The following PPM1G variants were observed in gnomAD, a reference collection of about 807,000 sequenced individuals.
The protein encoded by PPM1G is protein phosphatase 1G.
A neutral mutation model predicts 59.4 loss-of-function variants in PPM1G; 12 were observed. That is an observed-to-expected ratio of 0.20 (90% CI 0.13 to 0.33). The LOEUF (loss-of-function observed/expected upper bound fraction) is 0.33. Among genes scored for constraint, PPM1G ranks in the 10% least tolerant of loss-of-function variants. The pLI is 1.00. For synonymous variants in PPM1G, 245 were observed against 251.9 expected, an observed-to-expected ratio of 0.97 and a Z score of 0.26; for missense variants, 392 against 681.3, an observed-to-expected ratio of 0.58 and a Z score of 4.73.
chr2:27,391,089 T>C (rs751845286), intron 1 of PPM1G, among the ~76,000 whole-genome samples: 2 of 152,332 alleles, frequency 1.3e-5, no homozygotes, highest in East Asian at 1.9e-4. Flanking sequence ...CCGCCACTGA[T>C]GGGCACATGA....
chr2:27,409,363 G>T lies in PPM1G; in HGVS notation c.60C>A (p.Ala20=). The T allele has an allele frequency of 6.5e-7, 1 of 1,541,812 alleles. No homozygotes were observed. The highest frequency in any genetic ancestry group is 2.5e-5 in the East Asian group (1 of 39,632). Residue 20 remains alanine (A), a synonymous_variant, in exon 1 of 10, where the codon GCC becomes GCA. Coordinates refer to ENST00000344034, the MANE Select transcript of PPM1G (RefSeq NM_177983.3). ...TVKCSGDGVG[A]PRLPLPYGFS... ...AGCCGTAGGGCAGCGGCAGGCGCGG[G>T]GCGCCGACCCCGTCCCCGGAGCACT...
At chr2:27,407,623 G>C (rs1384955132) in intron 1 of PPM1G, among the ~76,000 whole-genome samples, 1 of 152,154 alleles carries the variant, frequency 6.6e-6, no homozygotes, top group Non-Finnish European at 1.5e-5. Flanking sequence ...GTATGGTGGT[G>C]AAATATGAAT....
At chr2:27,401,004 C>T (rs150048337) in intron 1 of PPM1G, among the ~76,000 whole-genome samples, 1 of 152,252 alleles carries the variant, frequency 6.6e-6, no homozygotes, top group East Asian at 1.9e-4. Context: ...GATCAAGTCC[C>T]TCTGGGCCAG....
intron 1 of PPM1G, among the ~76,000 whole-genome samples, chr2:27,391,030 C>G (rs114952722): frequency 1.7e-3 from 254 of 152,330 alleles, no homozygotes; most frequent in African/African-American, 5.8e-3. Flanking sequence ...TTAATGGGTG[C>G]ATAGTATTCC....
intron 1 of PPM1G, among the ~76,000 whole-genome samples, chr2:27,395,383 T>C (rs567271146): frequency 2.9e-4 from 43 of 150,492 alleles, no homozygotes; most frequent in Admixed American, 2.6e-3. Flanking sequence ...AATACAAAAA[T>C]AACTGGGTGT....
At chr2:27,386,646 C>G in intron 2 of PPM1G, 1 of 180,126 alleles carries the variant, frequency 5.6e-6, no homozygotes, top group Non-Finnish European at 1.2e-5. Flanking sequence ...CCTCCACCTC[C>G]CAGGTTCAAG....
Position 27,381,545 on chromosome 2 carries a change from T to C in PPM1G, c.*54A>G. The C allele has an allele frequency of 1.2e-6, 2 of 1,601,808 alleles. No individual in the cohort carries two copies. The highest frequency in any genetic ancestry group is 1.7e-6 in the Non-Finnish European group (2 of 1,169,246). ...TAAAGGAAAAAGACAAAACTCAGTC[T>C]CAGGTCCGGAGGGCTCAGAAAACAG... On this transcript the variant is annotated 3_prime_UTR_variant, in exon 10 of 10. Coordinates refer to ENST00000344034, the MANE Select transcript of PPM1G (RefSeq NM_177983.3).
Position 27,389,053 on chromosome 2 carries a change from C to G in PPM1G, c.121-1895G>C, listed in dbSNP as rs145057843. Among the ~76,000 whole-genome samples the G allele has an allele frequency of 3.4e-3, 511 of 152,230 alleles. 2 individuals carry two copies. Among genetic ancestry groups the G allele is most frequent in the African/African-American group, 0.012 (488 of 41,522 alleles). ...TAAGGACAACAAACACACCTAAGAACTGGCCTCAAGTTGCCATTCTACCAT... is the reference window on the plus strand; with the variant it reads ...TAAGGACAACAAACACACCTAAGAAGTGGCCTCAAGTTGCCATTCTACCAT... On this transcript the variant is annotated intron_variant, in intron 1 of 9. Transcript: ENST00000344034.
At chr2:27,401,261 G>A (rs766454437) in intron 1 of PPM1G, among the ~76,000 whole-genome samples, 2 of 152,134 alleles carry the variant, frequency 1.3e-5, no homozygotes, top group African/African-American at 4.8e-5. Flanking sequence ...TACTTGGGGT[G>A]GAGAGTAATT....
chr2:27,384,261 A>C lies in PPM1G; in HGVS notation c.826-169T>G, dbSNP rs1300412382. Among the ~76,000 whole-genome samples the C allele has an allele frequency of 6.6e-6, 1 of 152,238 alleles. No homozygotes were observed. Among genetic ancestry groups the C allele is most frequent in the Non-Finnish European group, 1.5e-5 (1 of 68,044 alleles). On this transcript the variant is annotated intron_variant, in intron 5 of 9. Transcript: ENST00000344034. This position sits in a 1 kb window ranked among gnomAD's most constrained non-coding sequence, Gnocchi z 4.8. ...GGATGGAAAGGGCTAGCATGAGTAC[A>C]ACTGACATCCTGAACTGGGCTTAGC... is the stretch of plus-strand genomic sequence containing the variant.
chr2:27,409,495 G>T lies in PPM1G; in HGVS notation c.-73C>A. The T allele has an allele frequency of 1.6e-5, 22 of 1,378,940 alleles. No individual in the cohort carries two copies. The highest frequency in any genetic ancestry group is 2.0e-5 in the Non-Finnish European group (21 of 1,070,554). 85.4% of individuals were successfully genotyped at this position (1,378,940 alleles called of 1,614,324 possible). The stretch of plus-strand genomic sequence containing the variant: ...CCGTGCCGGAGCCGAAGCCCCGGGG[G>T]TGCGCGCGGCAGGAGCAGGCCCCGC... On this transcript the variant is annotated 5_prime_UTR_variant, in exon 1 of 10. Coordinates refer to ENST00000344034, the MANE Select transcript of PPM1G (RefSeq NM_177983.3).
In PPM1G at chr2:27,391,552, T is replaced by C. The variant is rs116170129; in HGVS notation, c.121-4394A>G. Reference sequence around the variant, plus strand: ...TGCTTTTTGCTTGTTAGGTTCCTTATAGATTTTGGATATTAGACTTTTGTT... The same window carrying C: ...TGCTTTTTGCTTGTTAGGTTCCTTACAGATTTTGGATATTAGACTTTTGTT... On this transcript the variant is annotated intron_variant, in intron 1 of 9. Transcript: ENST00000344034. Among the ~76,000 whole-genome samples, 302 of 152,298 alleles carry C rather than the reference T, an allele frequency of 2.0e-3. 2 individuals carry two copies. The highest frequency in any genetic ancestry group is 3.4e-3 in the Non-Finnish European group (230 of 68,014).
chr2:27,387,259 C>T (rs1336209638), intron 1 of PPM1G, 101 bp from the exon 2 acceptor site: 4 of 839,258 alleles, frequency 4.8e-6, no homozygotes, highest in Non-Finnish European at 7.8e-6. Flanking sequence ...CCTGGCTGGC[C>T]TATATGGCCT....
intron 1 of PPM1G, among the ~76,000 whole-genome samples, chr2:27,395,000 C>A (rs1684010838): frequency 6.6e-6 from 1 of 151,860 alleles, no homozygotes; most frequent in Non-Finnish European, 1.5e-5. Context: ...GAGGCCAAGG[C>A]GGGTGGATCA....
At chr2:27,392,006 C>G (rs182252157) in intron 1 of PPM1G, among the ~76,000 whole-genome samples, 1 of 151,514 alleles carries the variant, frequency 6.6e-6, no homozygotes, top group Non-Finnish European at 1.5e-5. Context: ...GCTGGGATTA[C>G]GGGTGTGAGC....
chr2:27,400,637 A>G (rs990723832), intron 1 of PPM1G, among the ~76,000 whole-genome samples: 2 of 152,132 alleles, frequency 1.3e-5, no homozygotes, highest in African/African-American at 2.4e-5. Context: ...CCTCCTGGAG[A>G]TAAGAAAAAG....
In PPM1G at chr2:27,385,525, A is replaced by C; in HGVS notation, c.409+222T>G. On this transcript the variant is annotated intron_variant, in intron 4 of 9. Transcript: ENST00000344034. This position sits in a 1 kb window ranked among gnomAD's most constrained non-coding sequence, Gnocchi z 4.1. ...GAAGACCCCATCACAATGACAAAAG[A>C]TAATGTATATACAATGCTTACAGCT... 1 of 547,634 alleles carries C rather than the reference A, an allele frequency of 1.8e-6. No homozygotes were observed. Among genetic ancestry groups the C allele is most frequent in the Non-Finnish European group, 3.1e-6 (1 of 327,244 alleles). 33.9% of individuals were successfully genotyped at this position (547,634 alleles called of 1,614,324 possible).
intron 2 of PPM1G, 163 bp downstream of exon 2, chr2:27,386,926 T>G: frequency 1.6e-6 from 1 of 608,102 alleles, no homozygotes; most frequent in Admixed American, 2.8e-5. Context: ...ATACAGTACC[T>G]ACTGGGAAAA....
chr2:27,392,668 C>T, intron 1 of PPM1G: 1 of 638,028 alleles, frequency 1.6e-6, no homozygotes, highest in Non-Finnish European at 2.9e-6. Flanking sequence ...AATCAAAGAA[C>T]TTAAGTGGGT....
Sources: allele counts gnomAD v4.1 joint callset (sites outside exome capture counted in the v4.1 genomes callset), GRCh38; gene constraint gnomAD v4.1.1; non-coding constraint Gnocchi (gnomAD v3.1); transcripts MANE v1.5; gene names NCBI Gene and HGNC (gene_info 2026-07-23, HGNC 2026-07-21).